Variants in DESI2 observed in about 807,000 individuals in gnomAD.
DESI2 encodes deubiquitinase DESI2.
DESI2 carries 10 observed loss-of-function variants against 24.1 expected under a neutral mutation model. The ratio of observed to expected loss-of-function variants is 0.41; its 90% CI spans 0.26 to 0.70. DESI2 has a LOEUF of 0.70. DESI2 is among the 30% of genes least tolerant of loss of function. DESI2 has a pLI of 0.29. For synonymous variants in DESI2, 71 were observed against 87.7 expected, an observed-to-expected ratio of 0.81 and a Z score of 1.06; for missense variants, 122 against 234.9, an observed-to-expected ratio of 0.52 and a Z score of 3.14.
intron 4 of DESI2, among the ~76,000 whole-genome samples, chr1:244,695,653 G>GA (rs1333180741): frequency 2.0e-5 from 3 of 151,860 alleles, no homozygotes; most frequent in African/African-American, 7.3e-5. Context: ...AACTCCATCT[G>GA]AAAAAAATAA....
intron 1 of DESI2, among the ~76,000 whole-genome samples, chr1:244,672,145 G>A (rs1265367439): frequency 6.6e-6 from 1 of 152,040 alleles, no homozygotes; most frequent in Non-Finnish European, 1.5e-5. Flanking sequence ...ATCAGCCTGG[G>A]CAACATAGCA....
At chr1:244,684,872 T>A (rs1676760706) in intron 1 of DESI2, among the ~76,000 whole-genome samples, 1 of 152,204 alleles carries the variant, frequency 6.6e-6, no homozygotes, top group African/African-American at 2.4e-5. Context: ...GCCCAAACTC[T>A]GGGATTAAAT....
chr1:244,680,107 C>G (rs1299834967), intron 1 of DESI2, among the ~76,000 whole-genome samples: 1 of 150,358 alleles, frequency 6.7e-6, no homozygotes, highest in Non-Finnish European at 1.5e-5. Context: ...GCCCACCCTT[C>G]CTCTGCCTTC....
intron 4 of DESI2, among the ~76,000 whole-genome samples, chr1:244,697,517 A>G (rs1677268230): frequency 6.6e-6 from 1 of 151,080 alleles, no homozygotes; most frequent in Non-Finnish European, 1.5e-5. Flanking sequence ...AAAGGATGAA[A>G]TGGGTAGAGG....
At chr1:244,669,961 T>TA (rs1676189479) in intron 1 of DESI2, among the ~76,000 whole-genome samples, 2 of 69,716 alleles carry the variant, frequency 2.9e-5, no homozygotes, top group Admixed American at 3.2e-4. Flanking sequence ...TATAAATAAT[T>TA]CTTTTTTTTT....
intron 4 of DESI2, among the ~76,000 whole-genome samples, chr1:244,698,799 A>C (rs1677319678): frequency 6.6e-6 from 1 of 152,234 alleles, no homozygotes; most frequent in Non-Finnish European, 1.5e-5. Flanking sequence ...GTGGATTATC[A>C]CAGGTGTCCA....
chr1:244,693,557 G>A (rs1178772865), intron 4 of DESI2, among the ~76,000 whole-genome samples: 5 of 151,772 alleles, frequency 3.3e-5, no homozygotes, highest in African/African-American at 9.7e-5. Context: ...TCAGCCTCCC[G>A]AGTAGCTGGG....
intron 1 of DESI2, among the ~76,000 whole-genome samples, chr1:244,671,187 GAGA>G (rs1208982259): frequency 6.6e-6 from 1 of 152,200 alleles, no homozygotes; most frequent in Non-Finnish European, 1.5e-5. Flanking sequence ...GGAAGGGTTT[GAGA>G]AGAATTAAAC....
chr1:244,666,422 CCAAT>C (rs1414939930), intron 1 of DESI2, among the ~76,000 whole-genome samples: 12 of 152,252 alleles, frequency 7.9e-5, no homozygotes, highest in Admixed American at 2.0e-4. Context: ...CTCTATCACT[CCAAT>C]CAGTGAATGA....
In DESI2 at chr1:244,705,542, T is replaced by C. The variant is rs1677661101; in HGVS notation, c.352-14T>C. 1.9e-6 allele frequency: 3 copies of C among 1,606,836 alleles called. No homozygotes were observed. The highest frequency in any genetic ancestry group is 2.6e-6 in the Non-Finnish European group (3 of 1,173,404). On this transcript the variant is annotated splice_polypyrimidine_tract_variant and intron_variant, in intron 4 of 4. Coordinates refer to ENST00000302550, the MANE Select transcript of DESI2 (RefSeq NM_016076.5). ...ACCTCTCTTACCTAATACAGAACTC[T>C]TTCTCTTCTGTAGATTCTTTGTGGG...
chr1:244,659,080 A>G (rs966689161), intron 1 of DESI2, among the ~76,000 whole-genome samples: 3 of 147,738 alleles, frequency 2.0e-5, no homozygotes, highest in African/African-American at 7.5e-5. Context: ...ATTTACTTGT[A>G]TCAATATGCT....
At chr1:244,681,315 G>C (rs889550508) in intron 1 of DESI2, among the ~76,000 whole-genome samples, 5 of 151,982 alleles carry the variant, frequency 3.3e-5, no homozygotes, top group Non-Finnish European at 7.4e-5. Context: ...CAGTACCACG[G>C]GCTTCTTCCA....
At chr1:244,657,596 A>G (rs1675692974) in intron 1 of DESI2, among the ~76,000 whole-genome samples, 1 of 152,216 alleles carries the variant, frequency 6.6e-6, no homozygotes, top group African/African-American at 2.4e-5. Flanking sequence ...CTTAAGCTGG[A>G]AGGATACTTA....
At chr1:244,655,372 G>A (rs903271809) in intron 1 of DESI2, among the ~76,000 whole-genome samples, 7 of 152,188 alleles carry the variant, frequency 4.6e-5, no homozygotes, top group African/African-American at 1.7e-4. Context: ...AGGAGATGAA[G>A]CATATGAATG....
Position 244,707,090 on chromosome 1 carries a change from T to A in DESI2, c.*1301T>A, listed in dbSNP as rs1021908171. On this transcript the variant is annotated 3_prime_UTR_variant, in exon 5 of 5. Coordinates refer to ENST00000302550, the MANE Select transcript of DESI2 (RefSeq NM_016076.5). ...TCAATTTTTCTGCCTTAAGAATGAATGTCCTTCATAAAATATTGGATGCAG... is the reference window on the plus strand; with the variant it reads ...TCAATTTTTCTGCCTTAAGAATGAAAGTCCTTCATAAAATATTGGATGCAG... The A allele has an allele frequency of 6.5e-6, 1 of 152,690 alleles. No homozygotes were observed. 9.5% of individuals were successfully genotyped at this position (152,690 alleles called of 1,614,324 possible).
intron 1 of DESI2, among the ~76,000 whole-genome samples, chr1:244,674,151 C>T (rs1260733436): frequency 1.3e-5 from 2 of 151,958 alleles, no homozygotes; most frequent in Non-Finnish European, 2.9e-5. Context: ...TCCGCCACCA[C>T]GCCCAGCTAA....
At chr1:244,688,032 G>C (rs946129149) in intron 2 of DESI2, among the ~76,000 whole-genome samples, 2 of 152,156 alleles carry the variant, frequency 1.3e-5, no homozygotes, top group East Asian at 1.9e-4. Context: ...ACTCAAACTT[G>C]AACCCAAATG....
intron 1 of DESI2, among the ~76,000 whole-genome samples, chr1:244,662,145 T>G (rs997933254): frequency 6.6e-6 from 1 of 152,248 alleles, no homozygotes; most frequent in Non-Finnish European, 1.5e-5. Flanking sequence ...TGATTTGCAT[T>G]TCTCTGATGG....
chr1:244,684,671 T>C (rs1676753097), intron 1 of DESI2, among the ~76,000 whole-genome samples: 1 of 152,234 alleles, frequency 6.6e-6, no homozygotes, highest in East Asian at 1.9e-4. Context: ...AATATGAATG[T>C]ACCATAATTA....
Sources: gnomAD v4.1 joint callset for allele counts (sites outside exome capture counted in the v4.1 genomes callset) on GRCh38, gnomAD v4.1.1 for gene constraint, MANE v1.5 for transcripts, NCBI Gene and HGNC (gene_info 2026-07-23, HGNC 2026-07-21) for gene names.